Variants in CD109 observed in about 807,000 individuals in gnomAD.
CD109 encodes CD109 antigen.
A neutral mutation model predicts 165.8 loss-of-function variants in CD109; 149 were observed. The observed-to-expected ratio is 0.90, with a 90% CI of 0.79 to 1.03. CD109 has a LOEUF of 1.03. Among genes scored for constraint, CD109 ranks in the 50% least tolerant of loss-of-function variants. The probability of loss-of-function intolerance (pLI) is 0.00; values close to 1 mark genes in which losing one functional copy is unlikely to be tolerated. For missense variants in CD109, 1,712 were observed against 1,677.8 expected, an observed-to-expected ratio of 1.02 and a Z score of -0.36; for synonymous variants, 585 against 592.1, an observed-to-expected ratio of 0.99 and a Z score of 0.18.
chr6:73,743,564 G>A (rs1017438562), intron 5 of CD109, among the ~76,000 whole-genome samples: 4 of 151,966 alleles, frequency 2.6e-5, no homozygotes, highest in African/African-American at 9.7e-5. Flanking sequence ...ATTTTTTCTG[G>A]ACTTGTTGTC....
intron 20 of CD109, among the ~76,000 whole-genome samples, chr6:73,786,003 C>G (rs1168537782): frequency 6.6e-6 from 1 of 152,112 alleles, no homozygotes; most frequent in South Asian, 2.1e-4. Context: ...ACCACCACGC[C>G]CAGCTAATTT....
At chr6:73,798,205 C>T (rs903741462) in intron 23 of CD109, among the ~76,000 whole-genome samples, 1 of 151,720 alleles carries the variant, frequency 6.6e-6, no homozygotes, top group Non-Finnish European at 1.5e-5. Flanking sequence ...ACCTCCGCCT[C>T]CCAGGTTCAA....
At chr6:73,794,288 C>T (rs1473594922) in intron 23 of CD109, among the ~76,000 whole-genome samples, 5 of 152,164 alleles carry the variant, frequency 3.3e-5, no homozygotes, top group Non-Finnish European at 7.3e-5. Flanking sequence ...CCTTGTTCCT[C>T]AGAACACTAT....
chr6:73,799,504 C>G (rs1270576449), intron 23 of CD109, among the ~76,000 whole-genome samples: 2 of 152,152 alleles, frequency 1.3e-5, no homozygotes, highest in Non-Finnish European at 2.9e-5. Context: ...ATAGCGCCGG[C>G]ATTTCCCCCT....
At chr6:73,711,050 C>T (rs933273915) in intron 2 of CD109, among the ~76,000 whole-genome samples, 3 of 152,178 alleles carry the variant, frequency 2.0e-5, no homozygotes, top group Non-Finnish European at 4.4e-5. Context: ...AGTTCATGAA[C>T]TGTACAAAAA....
At chr6:73,714,291 C>T (rs1284733485) in intron 2 of CD109, among the ~76,000 whole-genome samples, 1 of 152,208 alleles carries the variant, frequency 6.6e-6, no homozygotes, top group Non-Finnish European at 1.5e-5. Flanking sequence ...AGAGAATTGC[C>T]TTGCCCATGG....
At chr6:73,756,888 C>T (rs948425834) in intron 6 of CD109, among the ~76,000 whole-genome samples, 29 of 152,060 alleles carry the variant, frequency 1.9e-4, no homozygotes, top group African/African-American at 7.0e-4. Flanking sequence ...AAAAAATCAC[C>T]TATAGTTGCA....
Position 73,730,377 on chromosome 6 carries a change from C to G in CD109, c.310C>G (p.Leu104Val), listed in dbSNP as rs753645455. 15 of 1,613,522 alleles carry G rather than the reference C, an allele frequency of 9.3e-6. No homozygotes were observed. The South Asian group carries it at 1.3e-4, about 14-fold the overall frequency. Reference protein sequence around the residue: ...PLNSADEIYELRVTGRTQDEI... With the variant: ...PLNSADEIYEVRVTGRTQDEI... ...GAACAGTGCAGATGAGATTTATGAG[C>G]TACGTGTAACCGGACGTACCCAGGA... The change falls in exon 4 of 33, where the codon CTA (leucine) becomes GTA (valine). Residue 104 changes from leucine to valine, a missense_variant. Transcript: ENST00000287097.
chr6:73,713,181 G>A (rs1771599320), intron 2 of CD109, among the ~76,000 whole-genome samples: 1 of 151,982 alleles, frequency 6.6e-6, no homozygotes, highest in African/African-American at 2.4e-5. Context: ...GACTTCATAA[G>A]TGCCTAGGAA....
At chr6:73,776,874 T>C (rs1413246396) in intron 15 of CD109, among the ~76,000 whole-genome samples, 1 of 151,072 alleles carries the variant, frequency 6.6e-6, no homozygotes, top group Non-Finnish European at 1.5e-5. Flanking sequence ...ATGGTTCTGA[T>C]TTGCATTTCT....
chr6:73,741,310 C>G (rs1772777117), intron 5 of CD109, among the ~76,000 whole-genome samples: 1 of 152,114 alleles, frequency 6.6e-6, no homozygotes, highest in Admixed American at 6.5e-5. Flanking sequence ...AGAATGTGAC[C>G]AAGTCTTCTA....
intron 15 of CD109, among the ~76,000 whole-genome samples, chr6:73,777,415 G>A (rs977019650): frequency 5.3e-5 from 8 of 152,040 alleles, no homozygotes; most frequent in Non-Finnish European, 1.0e-4. Context: ...TCACTGTGCA[G>A]ATCTCTTTCA....
the CD109 span, among the ~76,000 whole-genome samples, chr6:73,686,107 CTT>C: frequency 6.6e-6 from 1 of 152,180 alleles, no homozygotes; most frequent in African/African-American, 2.4e-5. Context: ...AAAGGGGTAA[CTT>C]GAGTAATGTG....
intron 14 of CD109, among the ~76,000 whole-genome samples, chr6:73,771,193 A>C (rs912866470): frequency 1.3e-5 from 2 of 152,284 alleles, no homozygotes; most frequent in African/African-American, 4.8e-5. Flanking sequence ...AAAAAGATAC[A>C]GAATTAAAGA....
chr6:73,704,112 G>C (rs1439911520), intron 2 of CD109, among the ~76,000 whole-genome samples: 2 of 151,080 alleles, frequency 1.3e-5, no homozygotes, highest in African/African-American at 4.9e-5. Flanking sequence ...TTGAACCCAG[G>C]AGGCAGAGGC....
chr6:73,680,737 G>T, the CD109 span, among the ~76,000 whole-genome samples: 1 of 152,212 alleles, frequency 6.6e-6, no homozygotes, highest in African/African-American at 2.4e-5. Flanking sequence ...TGCTACAACT[G>T]CTTAATTGTG....
At chr6:73,766,631 A>G in intron 11 of CD109, 128 bp from the exon 12 acceptor site, 1 of 645,612 alleles carries the variant, frequency 1.5e-6, no homozygotes, top group South Asian at 1.9e-5. Flanking sequence ...TGTCTGGTGA[A>G]TGTATTTTTC....
At chr6:73,696,377 C>CTGCTGTGCAGCAGCGGG (rs1770842528) in intron 1 of CD109, 88 bp downstream of exon 1, 1 of 1,140,294 alleles carries the variant, frequency 8.8e-7, no homozygotes, top group Admixed American at 4.1e-5. Context: ...GAGGTGGCGG[C>CTGCTGTGCAGCAGCGGG]TGCTGTGCAG....
At chr6:73,811,865 A>G (rs1222052953) in intron 28 of CD109, among the ~76,000 whole-genome samples, 1 of 152,144 alleles carries the variant, frequency 6.6e-6, no homozygotes, top group African/African-American at 2.4e-5. Flanking sequence ...TGGGAGAGCC[A>G]GGGGATTAGG....
Sources: allele counts gnomAD v4.1 joint callset (sites outside exome capture counted in the v4.1 genomes callset), GRCh38; gene constraint gnomAD v4.1.1; transcripts MANE v1.5; gene names NCBI Gene and HGNC (gene_info 2026-07-23, HGNC 2026-07-21).